DNMBP: variants seen among roughly 807,000 people sequenced by gnomAD.
DNMBP encodes the protein dynamin-binding protein.
DNMBP carries 87 observed loss-of-function variants against 150.0 expected under a neutral mutation model. That is an observed-to-expected ratio of 0.58 (90% CI 0.49 to 0.69). The LOEUF is 0.69. Ranked by LOEUF, DNMBP falls within the 30% of genes least tolerant of loss-of-function variation. The pLI is 0.00. For synonymous variants in DNMBP, 711 were observed against 750.4 expected, an observed-to-expected ratio of 0.95 and a Z score of 0.86; for missense variants, 1,774 against 1,949.0, an observed-to-expected ratio of 0.91 and a Z score of 1.69.
intron 4 of DNMBP, chr10:99,929,983 A>G (rs1405682686): frequency 5.7e-6 from 4 of 702,814 alleles, no homozygotes; most frequent in Non-Finnish European, 1.0e-5. Context: ...TCTGTATCAA[A>G]ATCACCCTGA....
intron 4 of DNMBP, among the ~76,000 whole-genome samples, chr10:99,933,564 A>G (rs1391851104): frequency 6.6e-6 from 1 of 152,218 alleles, no homozygotes; most frequent in Non-Finnish European, 1.5e-5. Context: ...AGCTTTAAGA[A>G]AGCCAGTTGA....
chr10:99,953,979 A>G (rs964801386), intron 4 of DNMBP, among the ~76,000 whole-genome samples: 1 of 152,122 alleles, frequency 6.6e-6, no homozygotes, highest in African/African-American at 2.4e-5. Flanking sequence ...TATGGATGCC[A>G]TAGCAGAATA....
chr10:99,923,650 C>A (rs1177201574), intron 4 of DNMBP, among the ~76,000 whole-genome samples: 1 of 152,142 alleles, frequency 6.6e-6, no homozygotes, highest in Non-Finnish European at 1.5e-5. Flanking sequence ...CTACTGGCGT[C>A]TAAGATTTCA....
At chr10:99,987,041 G>C (rs553009997) in intron 1 of DNMBP, among the ~76,000 whole-genome samples, 120 of 151,976 alleles carry the variant, frequency 7.9e-4, no homozygotes, top group African/African-American at 2.8e-3. Context: ...TGTAGTCCCA[G>C]CTACTCGGGA....
At chr10:99,881,216 G>A (rs1026561413) in intron 15 of DNMBP, among the ~76,000 whole-genome samples, 1 of 151,818 alleles carries the variant, frequency 6.6e-6, no homozygotes, top group Non-Finnish European at 1.5e-5. Context: ...CAACAAGAAC[G>A]AAACTCCGTC....
intron 4 of DNMBP, among the ~76,000 whole-genome samples, chr10:99,916,696 A>G (rs1376226835): frequency 6.6e-6 from 1 of 152,242 alleles, no homozygotes; most frequent in Admixed American, 6.5e-5. Flanking sequence ...CTACTTTAAA[A>G]AAAATCAAAC....
intron 11 of DNMBP, among the ~76,000 whole-genome samples, chr10:99,891,927 G>GC (rs573854726): frequency 0.074 from 10,530 of 142,006 alleles, 572 homozygotes; most frequent in African/African-American, 0.18. Flanking sequence ...GGGGGGGTCA[G>GC]CCCCCTGCCC....
chr10:100,001,119 T>G (rs1341357231), intron 1 of DNMBP, among the ~76,000 whole-genome samples: 1 of 149,212 alleles, frequency 6.7e-6, no homozygotes, highest in African/African-American at 2.5e-5. Context: ...TAATCCCAGC[T>G]ACTCGGGAGG....
At chr10:99,996,993 T>C (rs573264220) in intron 1 of DNMBP, among the ~76,000 whole-genome samples, 1 of 152,104 alleles carries the variant, frequency 6.6e-6, no homozygotes, top group Non-Finnish European at 1.5e-5. Flanking sequence ...TAATTAAAAC[T>C]ATGGGTTTGA....
In DNMBP at chr10:99,909,103, A is replaced by G; in HGVS notation, c.2304T>C (p.Pro768=). 6.2e-7 allele frequency: 1 copy of G among 1,614,164 alleles called. No individual in the cohort carries two copies. Among genetic ancestry groups the G allele is most frequent in the Non-Finnish European group, 8.5e-7 (1 of 1,180,020 alleles). ...GATTTTCGGCAGACACAGACCCAGAAGGGGCCACCAGTGATGAAGACTGGG... is the reference window on the plus strand; with the variant it reads ...GATTTTCGGCAGACACAGACCCAGAGGGGGCCACCAGTGATGAAGACTGGG... The part of the protein sequence containing the change: ...LSSQSSSLVA[P]SGSVSAENPE... The change falls in exon 5 of 17, where the codon CCT becomes CCC. Residue 768 remains proline, a synonymous_variant. Transcript: ENST00000324109.
chr10:99,896,170 G>A, intron 10 of DNMBP, 97 bp downstream of exon 10: 21 of 1,421,808 alleles, frequency 1.5e-5, no homozygotes, highest in Non-Finnish European at 1.9e-5. Flanking sequence ...GGACGTCTGA[G>A]GAAGGGAACC....
intron 4 of DNMBP, chr10:99,929,599 A>G (rs2040122615): frequency 1.5e-6 from 1 of 655,344 alleles, no homozygotes. Flanking sequence ...AGGCTGGCTG[A>G]GTTCATACCT....
At chr10:99,982,880 A>G (rs530297571) in intron 1 of DNMBP, among the ~76,000 whole-genome samples, 1 of 151,978 alleles carries the variant, frequency 6.6e-6, no homozygotes, top group African/African-American at 2.4e-5. Flanking sequence ...CTGAGGTGGC[A>G]TTGCTTGAAC....
intron 1 of DNMBP, among the ~76,000 whole-genome samples, chr10:99,993,067 T>C (rs1234011658): frequency 6.6e-6 from 1 of 151,930 alleles, no homozygotes; most frequent in Non-Finnish European, 1.5e-5. Context: ...AGATTCAACA[T>C]AAAAATAAAA....
At chr10:99,954,334 G>T (rs1019159292) in intron 4 of DNMBP, among the ~76,000 whole-genome samples, 1 of 148,516 alleles carries the variant, frequency 6.7e-6, no homozygotes, top group South Asian at 2.4e-4. Flanking sequence ...CACCGCACCC[G>T]GCAAGGTTTG....
chr10:99,961,267 C>CTTTTCTT (rs2040560705), intron 3 of DNMBP, among the ~76,000 whole-genome samples: 1 of 84,728 alleles, frequency 1.2e-5, no homozygotes, highest in African/African-American at 4.7e-5. Flanking sequence ...TTCCCTTTTT[C>CTTTTCTT]TTTTTTTTTT....
At chr10:99,944,747 C>G (rs959779390) in intron 4 of DNMBP, among the ~76,000 whole-genome samples, 7 of 152,196 alleles carry the variant, frequency 4.6e-5, no homozygotes, top group African/African-American at 1.7e-4. Flanking sequence ...ATCATAAATA[C>G]TGTCTAGTAT....
chr10:99,982,939 C>CTA (rs2040793978), intron 1 of DNMBP, among the ~76,000 whole-genome samples: 1 of 151,610 alleles, frequency 6.6e-6, no homozygotes. Flanking sequence ...GCACTCCAGC[C>CTA]TGTGCAACAG....
intron 4 of DNMBP, among the ~76,000 whole-genome samples, chr10:99,920,808 T>C (rs989690474): frequency 6.6e-6 from 1 of 152,226 alleles, no homozygotes; most frequent in South Asian, 2.1e-4. Context: ...TCCTCCCAAG[T>C]AGCTGGAACC....
Sources: allele counts gnomAD v4.1 joint callset (sites outside exome capture counted in the v4.1 genomes callset), GRCh38; gene constraint gnomAD v4.1.1; transcripts MANE v1.5; gene names NCBI Gene and HGNC (gene_info 2026-07-23, HGNC 2026-07-21).